NEBL: variants seen among roughly 807,000 people sequenced by gnomAD.
The protein encoded by NEBL is LIM and SH3 protein 2.
Under a neutral mutation model 140.2 loss-of-function variants are expected in NEBL, and 122 were observed. The ratio of observed to expected loss-of-function variants is 0.87; its 90% CI spans 0.75 to 1.01. NEBL has a LOEUF of 1.01. Ranked by LOEUF, NEBL falls within the 50% of genes least tolerant of loss-of-function variation. NEBL has a pLI of 0.00. For synonymous variants in NEBL, 436 were observed against 398.9 expected (o/e 1.09, Z -1.11); for missense variants, 1,365 against 1,231.3 (o/e 1.11, Z -1.62).
intron 3 of NEBL, among the ~76,000 whole-genome samples, chr10:21,229,764 C>A (rs1323235631): frequency 1.3e-5 from 2 of 152,234 alleles, no homozygotes; most frequent in African/African-American, 4.8e-5. Flanking sequence ...AACACACCAG[C>A]TGGTAACCTT....
chr10:21,006,096 T>G (rs1435588781), intron 3 of NEBL, among the ~76,000 whole-genome samples: 1 of 152,186 alleles, frequency 6.6e-6, no homozygotes, highest in African/African-American at 2.4e-5. Flanking sequence ...CTCCAAGGCA[T>G]GTGGCTATAG....
At chr10:20,845,118 AT>A (rs1841778896) in intron 12 of NEBL, 139 bp downstream of exon 12, 1 of 600,098 alleles carries the variant, frequency 1.7e-6, no homozygotes, top group African/African-American at 1.9e-5. Context: ...GCAACACTTT[AT>A]TAGTGAAGAT....
Position 21,023,352 on chromosome 10 carries a change from T to G in NEBL, c.165-3151A>C, listed in dbSNP as rs537542952. Reference sequence around the variant, plus strand: ...ATACTAACTTGCAGGTTCACTCAGTTTGGGGGCATGCTTTGGGGAACAACC... The same window carrying G: ...ATACTAACTTGCAGGTTCACTCAGTGTGGGGGCATGCTTTGGGGAACAACC... On this transcript the variant is annotated intron_variant, in intron 2 of 6. Coordinates refer to the NEBL transcript ENST00000417816. 5.3e-5 allele frequency among the ~76,000 whole-genome samples: 8 copies of G among 152,276 alleles called. No individual in the cohort carries two copies. In the East Asian group the frequency reaches 1.4e-3, roughly 26 times the overall value.
At chr10:20,790,208 C>T (rs532817542) in intron 26 of NEBL, among the ~76,000 whole-genome samples, 10 of 152,090 alleles carry the variant, frequency 6.6e-5, no homozygotes, top group Admixed American at 6.6e-4. Flanking sequence ...TCTCATTTGC[C>T]ATCTGGCTGA....
rs530788440 is a variant in NEBL at position 20,862,281 on chromosome 10, C to T, written c.685-2455G>A. On this transcript the variant is annotated intron_variant, in intron 7 of 27. Transcript: ENST00000377122. ...TATTGTGAAATTTATCTTGTTTGAACGTTCAGTACAGTGAGTGATTTGATT... is the reference window on the plus strand; with the variant it reads ...TATTGTGAAATTTATCTTGTTTGAATGTTCAGTACAGTGAGTGATTTGATT... Among the ~76,000 whole-genome samples the T allele has an allele frequency of 4.6e-5, 7 of 152,200 alleles. No homozygotes were observed. In the South Asian group the frequency reaches 1.2e-3, roughly 27 times the overall value.
chr10:21,030,540 T>C, intron 2 of NEBL: 2 of 791,692 alleles, frequency 2.5e-6, no homozygotes, highest in Non-Finnish European at 4.3e-6. Flanking sequence ...CTAACCCTCC[T>C]GCTCCATCTC....
At chr10:20,868,576 G>A in intron 7 of NEBL, 88 bp downstream of exon 7, 1 of 920,290 alleles carries the variant, frequency 1.1e-6, no homozygotes, top group Non-Finnish European at 1.8e-6. Context: ...TGCAATTAAA[G>A]ATATTATCTA....
chr10:21,117,364 T>A (rs1838332728), intron 2 of NEBL, among the ~76,000 whole-genome samples: 2 of 152,124 alleles, frequency 1.3e-5, no homozygotes, highest in Admixed American at 1.3e-4. Context: ...CAGAGTCACC[T>A]CTCTGTTCTC....
intron 3 of NEBL, among the ~76,000 whole-genome samples, chr10:21,221,174 A>G (rs1842060728): frequency 6.6e-6 from 1 of 152,170 alleles, no homozygotes; most frequent in African/African-American, 2.4e-5. Context: ...TTTAAAAATA[A>G]CTACATGAAG....
chr10:21,004,500 C>A (rs1485186569), intron 3 of NEBL, among the ~76,000 whole-genome samples: 1 of 152,094 alleles, frequency 6.6e-6, no homozygotes, highest in Non-Finnish European at 1.5e-5. Flanking sequence ...GCGGGCAGAT[C>A]ACGAGGTCAG....
chr10:20,943,140 G>A (rs530005361), intron 4 of NEBL, among the ~76,000 whole-genome samples: 17 of 152,276 alleles, frequency 1.1e-4, no homozygotes, highest in African/African-American at 3.4e-4. Flanking sequence ...ACATGCACAC[G>A]TATGTTTATT....
At chr10:21,092,840 T>C (rs1364560853) in intron 2 of NEBL, among the ~76,000 whole-genome samples, 1 of 152,064 alleles carries the variant, frequency 6.6e-6, no homozygotes, top group Non-Finnish European at 1.5e-5. Flanking sequence ...CCTTTGCCTT[T>C]TCACCAGCTT....
intron 4 of NEBL, among the ~76,000 whole-genome samples, chr10:20,931,416 T>G (rs965661751): frequency 8.5e-5 from 13 of 152,208 alleles, no homozygotes; most frequent in African/African-American, 3.1e-4. Context: ...GAGAAACACT[T>G]TGCCATTTGA....
rs541383509 is a variant in NEBL at position 20,971,202 on chromosome 10, C to T, written c.250-9423G>A. On this transcript the variant is annotated intron_variant, in intron 3 of 6. Coordinates refer to the NEBL transcript ENST00000417816. ...AAATACCATTGCCAAAATGGTAGCA[C>T]TGGCAAAAATACTAATTCAAGGCAA... Among the ~76,000 whole-genome samples the T allele has an allele frequency of 5.3e-5, 8 of 152,192 alleles. No homozygotes were observed. In the South Asian group the frequency reaches 1.5e-3, roughly 28 times the overall value.
intron 4 of NEBL, among the ~76,000 whole-genome samples, chr10:20,948,348 A>T (rs1440746843): frequency 6.6e-6 from 1 of 152,224 alleles, no homozygotes; most frequent in Non-Finnish European, 1.5e-5. Context: ...TTTACTCCAA[A>T]TAACCCAGTG....
chr10:21,040,753 G>C (rs956528294), intron 2 of NEBL, among the ~76,000 whole-genome samples: 1 of 152,018 alleles, frequency 6.6e-6, no homozygotes, highest in African/African-American at 2.4e-5. Flanking sequence ...TTGGAGAAGG[G>C]GCCTCATTAG....
At chr10:20,939,059 C>A (rs1375591526) in intron 4 of NEBL, among the ~76,000 whole-genome samples, 2 of 152,026 alleles carry the variant, frequency 1.3e-5, no homozygotes, top group Non-Finnish European at 2.9e-5. Context: ...CAAGGCAGGC[C>A]AACATTCAGA....
At chr10:21,227,730 TTCTTC>T (rs1564546049) in intron 3 of NEBL, among the ~76,000 whole-genome samples, 43 of 126,342 alleles carry the variant, frequency 3.4e-4, no homozygotes, top group African/African-American at 1.3e-3. Flanking sequence ...CTTCTTCTTC[TTCTTC>T]TTCTTCTTCT....
At chr10:21,131,515 A>G (rs773648591) in intron 2 of NEBL, among the ~76,000 whole-genome samples, 2 of 152,210 alleles carry the variant, frequency 1.3e-5, no homozygotes, top group Non-Finnish European at 2.9e-5. Context: ...AAATAAATAA[A>G]TAAACAAACA....
Sources: gnomAD v4.1 joint callset for allele counts (sites outside exome capture counted in the v4.1 genomes callset) on GRCh38, gnomAD v4.1.1 for gene constraint, MANE v1.5 for transcripts, NCBI Gene and HGNC (gene_info 2026-07-23, HGNC 2026-07-21) for gene names.